The following SHANK2 variants were observed in gnomAD, a reference collection of about 807,000 sequenced individuals.
SHANK2 encodes SH3 and multiple ankyrin repeat domains protein 2.
A neutral mutation model predicts 133.7 loss-of-function variants in SHANK2; 43 were observed. The observed-to-expected ratio is 0.32, with a 90% CI of 0.25 to 0.41. The LOEUF is 0.41. SHANK2 is among the 10% of genes least tolerant of loss of function. The probability of loss-of-function intolerance (pLI) is 1.00; values close to 1 mark genes in which losing one functional copy is unlikely to be tolerated. For synonymous variants in SHANK2, 1,017 were observed against 952.8 expected, an observed-to-expected ratio of 1.07 and a Z score of -1.24; for missense variants, 1,994 against 2,235.8, an observed-to-expected ratio of 0.89 and a Z score of 2.18.
intron 25 of SHANK2, among the ~76,000 whole-genome samples, chr11:70,476,904 G>A (rs1017968822): frequency 1.3e-4 from 20 of 152,234 alleles, no homozygotes; most frequent in Admixed American, 1.3e-4. Flanking sequence ...CCTACCTCAC[G>A]CCTGGGCAGT....
chr11:70,846,620 C>A (rs1565357850), intron 11 of SHANK2, among the ~76,000 whole-genome samples: 1 of 152,140 alleles, frequency 6.6e-6, no homozygotes, highest in African/African-American at 2.4e-5. Flanking sequence ...TGTCCCAAGC[C>A]CTGCTCTCAG....
In SHANK2 at chr11:70,582,510, T is replaced by C. The variant is rs373805143; in HGVS notation, c.2061+77318A>G. Among the ~76,000 whole-genome samples the C allele has an allele frequency of 1.4e-3, 211 of 152,296 alleles. 3 individuals carry two copies. The highest frequency in any genetic ancestry group is 4.8e-3 in the African/African-American group (200 of 41,576). ...CCCTATAGAGGCGGCAGGCAGCAGATATAAGCTCAGGTCCATATCTGACCA... is the reference window on the plus strand; with the variant it reads ...CCCTATAGAGGCGGCAGGCAGCAGACATAAGCTCAGGTCCATATCTGACCA... On this transcript the variant is annotated intron_variant, in intron 17 of 25. Transcript: ENST00000601538.
intron 11 of SHANK2, among the ~76,000 whole-genome samples, chr11:70,873,598 G>A (rs1017188987): frequency 2.0e-5 from 3 of 152,136 alleles, no homozygotes; most frequent in Non-Finnish European, 4.4e-5. Context: ...TCCCATCTGG[G>A]GCAGTTCTCT....
chr11:70,701,776 T>C (rs950925784), intron 14 of SHANK2, among the ~76,000 whole-genome samples: 3 of 152,178 alleles, frequency 2.0e-5, no homozygotes, highest in Non-Finnish European at 2.9e-5. Context: ...AGGCCTTCCC[T>C]GTCTCCTGGT....
intron 23 of SHANK2, chr11:70,489,671 G>T: frequency 2.3e-6 from 1 of 439,410 alleles, no homozygotes. Context: ...TAAAGGCAAT[G>T]CTGAATTATC....
chr11:70,936,520 A>T (rs555122905), intron 10 of SHANK2, among the ~76,000 whole-genome samples: 1 of 152,320 alleles, frequency 6.6e-6, no homozygotes, highest in East Asian at 1.9e-4. Context: ...TTAAAAAAAT[A>T]AAAAAGAGAG....
chr11:71,121,853 T>C (rs1555101538), intron 3 of SHANK2, among the ~76,000 whole-genome samples: 1 of 152,176 alleles, frequency 6.6e-6, no homozygotes, highest in Non-Finnish European at 1.5e-5. Flanking sequence ...ACAGACACTT[T>C]TCAAAAGAAG....
intron 15 of SHANK2, chr11:70,661,943 A>G (rs575955876): frequency 1.2e-6 from 1 of 823,128 alleles, no homozygotes; most frequent in South Asian, 1.5e-5. Context: ...AAGGAGTCAT[A>G]CATGGTGGGG....
intron 25 of SHANK2, among the ~76,000 whole-genome samples, chr11:70,478,290 T>A (rs2058689702): frequency 6.6e-6 from 1 of 152,068 alleles, no homozygotes; most frequent in African/African-American, 2.4e-5. Context: ...AATCTGCTCT[T>A]TAACTGTAGC....
rs115816554 is a variant in SHANK2 at position 71,211,279 on chromosome 11, C to T, written c.-13+13418G>A. Among the ~76,000 whole-genome samples, 649 of 146,282 alleles carry T rather than the reference C, an allele frequency of 4.4e-3. 4 individuals carry two copies. Among genetic ancestry groups the T allele is most frequent in the African/African-American group, 0.015 (607 of 39,292 alleles). On this transcript the variant is annotated intron_variant, in intron 2 of 25. Coordinates refer to ENST00000601538, the MANE Select transcript of SHANK2 (RefSeq NM_012309.5). ...ATTCACTCATTTAAAGCATGTAACT[C>T]AGTGCTCCCAGCCTTTTGGGAGGCC...
At chr11:70,950,659 G>A (rs1590866843) in intron 10 of SHANK2, among the ~76,000 whole-genome samples, 1 of 151,774 alleles carries the variant, frequency 6.6e-6, no homozygotes, top group East Asian at 2.0e-4. Flanking sequence ...CCAGGCTGGA[G>A]TACAATGGCG....
At chr11:70,623,376 G>T (rs534413235) in intron 17 of SHANK2, among the ~76,000 whole-genome samples, 7 of 152,228 alleles carry the variant, frequency 4.6e-5, no homozygotes, top group African/African-American at 1.4e-4. Flanking sequence ...TATGCTCCAC[G>T]CACCATTTGC....
At chr11:70,565,537 C>A (rs1195147789) in intron 17 of SHANK2, among the ~76,000 whole-genome samples, 3 of 152,198 alleles carry the variant, frequency 2.0e-5, no homozygotes, top group Non-Finnish European at 4.4e-5. Context: ...TGAGCCACCA[C>A]GCCTGGCCTC....
intron 9 of SHANK2, among the ~76,000 whole-genome samples, chr11:71,068,123 C>T (rs1391911400): frequency 1.3e-5 from 2 of 152,116 alleles, no homozygotes; most frequent in African/African-American, 2.4e-5. Flanking sequence ...CCGTCACTCA[C>T]CATGAACATG....
intron 17 of SHANK2, among the ~76,000 whole-genome samples, chr11:70,652,336 C>T (rs1340279301): frequency 6.6e-6 from 1 of 152,110 alleles, no homozygotes; most frequent in Non-Finnish European, 1.5e-5. Context: ...AAGTGTCCGA[C>T]GTACTTGGCA....
At chr11:70,853,050 C>T (rs1590759721) in intron 11 of SHANK2, among the ~76,000 whole-genome samples, 2 of 152,364 alleles carry the variant, frequency 1.3e-5, no homozygotes, top group African/African-American at 2.4e-5. Context: ...CAGGCCCACT[C>T]GACAGGCCAT....
At chr11:70,944,049 T>C (rs116322803) in intron 10 of SHANK2, 376 of 443,092 alleles carry the variant, frequency 8.5e-4, no homozygotes, top group African/African-American at 6.8e-3. Context: ...TATGCTATTA[T>C]GGCTAGCTAC....
rs562997872 is a variant in SHANK2, at chr11:71,188,880, G to A, written c.-13+35817C>T. On this transcript the variant is annotated intron_variant, in intron 2 of 25. Coordinates refer to ENST00000601538, the MANE Select transcript of SHANK2 (RefSeq NM_012309.5). This position sits in a 1 kb window ranked among gnomAD's most constrained non-coding sequence, Gnocchi z 4.6. ...GTCACCCCTCACAGAGGCAAGTGAT[G>A]GGTCAAGGTGGGTGGAAGCAAACCC... Among the ~76,000 whole-genome samples, 4 of 152,332 alleles carry A rather than the reference G, an allele frequency of 2.6e-5. No homozygotes were observed. In the South Asian group the frequency reaches 6.2e-4, roughly 24 times the overall value.
At chr11:70,596,367 C>T (rs1224041640) in intron 17 of SHANK2, among the ~76,000 whole-genome samples, 1 of 152,186 alleles carries the variant, frequency 6.6e-6, no homozygotes, top group Non-Finnish European at 1.5e-5. Context: ...GAGCCACAGG[C>T]ACCAGGCAGA....
Sources: allele counts gnomAD v4.1 joint callset (sites outside exome capture counted in the v4.1 genomes callset), GRCh38; gene constraint gnomAD v4.1.1; non-coding constraint Gnocchi (gnomAD v3.1); transcripts MANE v1.5; gene names NCBI Gene and HGNC (gene_info 2026-07-23, HGNC 2026-07-21).